Variants in PCDHGA4 observed in about 807,000 individuals in gnomAD.
PCDHGA4 encodes protocadherin gamma-A4.
In PCDHGA4, 38 loss-of-function variants were observed where a neutral mutation model predicts 54.6. The observed-to-expected ratio is 0.70, with a 90% CI of 0.54 to 0.91. The LOEUF (loss-of-function observed/expected upper bound fraction) is 0.91, where lower values mean the gene tolerates loss of function less well. PCDHGA4 is among the 40% of genes least tolerant of loss of function. The probability of loss-of-function intolerance (pLI) is 0.00; values close to 1 mark genes in which losing one functional copy is unlikely to be tolerated. For missense variants in PCDHGA4, 1,298 were observed against 1,220.9 expected (o/e 1.06, Z -0.94); for synonymous variants, 511 against 512.9 (o/e 1.00, Z 0.05).
chr5:141,419,209 G>A (rs541061354), intron 1 of PCDHGA4: 11 of 1,613,900 alleles, frequency 6.8e-6, no homozygotes, highest in South Asian at 5.5e-5. Context: ...ACAACGCGCC[G>A]GTTTTCGGAC....
chr5:141,365,266 C>A, intron 1 of PCDHGA4: 2 of 1,613,938 alleles, frequency 1.2e-6, no homozygotes, highest in African/African-American at 2.7e-5. Context: ...ATGAAGAATC[C>A]AGATTCTACC....
chr5:141,478,319 T>A, intron 1 of PCDHGA4: 4 of 1,614,052 alleles, frequency 2.5e-6, no homozygotes, highest in Non-Finnish European at 3.4e-6. Flanking sequence ...GAGCTCACTG[T>A]ACCGAACACC....
rs776226877 is a variant in PCDHGA4, at chr5:141,357,299, T to C, written c.2192T>C (p.Val731Ala). ...TLYLVVAVAA[V>A]SCVFLAFVTV... ...TATCTCGTGGTGGCAGTGGCCGCTGTCTCCTGCGTCTTCCTGGCTTTTGTC... is the reference window on the plus strand; with the variant it reads ...TATCTCGTGGTGGCAGTGGCCGCTGCCTCCTGCGTCTTCCTGGCTTTTGTC... The change falls in exon 1 of 4, where the codon GTC becomes GCC. Residue 731 changes from valine to alanine, a missense_variant. Coordinates refer to ENST00000571252, the MANE Select transcript of PCDHGA4 (RefSeq NM_018917.4). 18 of 1,613,846 alleles carry C rather than the reference T, an allele frequency of 1.1e-5. No homozygotes were observed. Among genetic ancestry groups the C allele is most frequent in the Non-Finnish European group, 1.1e-5 (13 of 1,179,876 alleles).
At position 141,372,141 on chromosome 5, in the gene PCDHGA4, G is replaced by C. The variant is rs780330964; in HGVS notation, c.2514+14520G>C. On this transcript the variant is annotated intron_variant, in intron 1 of 3. Coordinates refer to ENST00000571252, the MANE Select transcript of PCDHGA4 (RefSeq NM_018917.4). ...CTTCGATATGGTGCCGCGCTCTGCAGAGCCTGGCTACCTGGTGACCAAGGT... is the reference window on the plus strand; with the variant it reads ...CTTCGATATGGTGCCGCGCTCTGCACAGCCTGGCTACCTGGTGACCAAGGT... 5.0e-6 allele frequency: 8 copies of C among 1,613,774 alleles called. No individual in the cohort carries two copies. The East Asian group carries it at 1.6e-4, about 31-fold the overall frequency.
chr5:141,463,990 G>C (rs2099073582), intron 1 of PCDHGA4, among the ~76,000 whole-genome samples: 1 of 151,990 alleles, frequency 6.6e-6, no homozygotes, highest in Admixed American at 6.6e-5. Context: ...TAAAAACCAG[G>C]TGCAGTGGCT....
At chr5:141,437,878 C>A (rs1047761465) in intron 1 of PCDHGA4, among the ~76,000 whole-genome samples, 13 of 151,996 alleles carry the variant, frequency 8.6e-5, no homozygotes, top group Non-Finnish European at 1.5e-4. Flanking sequence ...GCTGGGACTA[C>A]AGGCACACGC....
At chr5:141,392,945 C>A in intron 1 of PCDHGA4, 2 of 1,613,916 alleles carry the variant, frequency 1.2e-6, no homozygotes, top group Non-Finnish European at 1.7e-6. Flanking sequence ...AAGGCTCCTT[C>A]GTGGGTAATA....
At chr5:141,433,640 A>C (rs2097637476) in intron 1 of PCDHGA4, among the ~76,000 whole-genome samples, 2 of 152,138 alleles carry the variant, frequency 1.3e-5, no homozygotes, top group South Asian at 2.1e-4. Flanking sequence ...GTTTGAGACC[A>C]GCCTGACCAA....
intron 1 of PCDHGA4, chr5:141,394,860 G>T: frequency 1.2e-6 from 2 of 1,613,792 alleles, no homozygotes; most frequent in Non-Finnish European, 1.7e-6. Context: ...GCCTTCGGTC[G>T]ACCCGAACGA....
chr5:141,421,888 C>T (rs1387624358), intron 1 of PCDHGA4: 5 of 1,613,746 alleles, frequency 3.1e-6, no homozygotes. Flanking sequence ...TGGAGGCGAT[C>T]CCATCCGAAA....
At position 141,355,184 on chromosome 5, in the gene PCDHGA4, T is replaced by C; in HGVS notation, c.77T>C (p.Leu26Pro). 1.3e-6 allele frequency: 2 copies of C among 1,586,600 alleles called. No individual in the cohort carries two copies. The highest frequency in any genetic ancestry group is 1.7e-6 in the Non-Finnish European group (2 of 1,165,796). ...STEGKPKHRR[L>P]RGGVVMAAPP... ...GAGGGAAAACCGAAGCACAGGCGACTCCGCGGCGGGGTTGTAATGGCGGCG... is the reference window on the plus strand; with the variant it reads ...GAGGGAAAACCGAAGCACAGGCGACCCCGCGGCGGGGTTGTAATGGCGGCG... Residue 26 changes from leucine to proline, a missense_variant, in exon 1 of 4, where the codon CTC (leucine) becomes CCC (proline). Transcript: ENST00000571252.
chr5:141,408,824 C>T, intron 1 of PCDHGA4: 1 of 1,613,560 alleles, frequency 6.2e-7, no homozygotes, highest in South Asian at 1.1e-5. Context: ...ACAGAGATCT[C>T]ATAGCTTGAT....
intron 1 of PCDHGA4, chr5:141,370,659 C>A: frequency 6.2e-7 from 1 of 1,613,780 alleles, no homozygotes; most frequent in Admixed American, 1.7e-5. Context: ...TGTGAGCGAC[C>A]GTATAGACCG....
At chr5:141,393,458 G>T (rs181214352) in intron 1 of PCDHGA4, 4 of 1,613,902 alleles carry the variant, frequency 2.5e-6, no homozygotes, top group Non-Finnish European at 3.4e-6. Context: ...TCACGGCCTC[G>T]GATGGCGGCA....
intron 1 of PCDHGA4, chr5:141,400,209 G>A: frequency 6.2e-7 from 1 of 1,614,052 alleles, no homozygotes; most frequent in South Asian, 1.1e-5. Context: ...CCTTGGCCTT[G>A]ATCTCAGTGC....
At chr5:141,418,265 G>A (rs2096242953) in intron 1 of PCDHGA4, 1 of 1,614,062 alleles carries the variant, frequency 6.2e-7, no homozygotes, top group East Asian at 2.2e-5. Context: ...ATTCCGGAAA[G>A]ATGAAATAAA....
At chr5:141,374,150 C>T in intron 1 of PCDHGA4, 1 of 1,611,806 alleles carries the variant, frequency 6.2e-7, no homozygotes, top group Non-Finnish European at 8.5e-7. Context: ...CCTGGGGACG[C>T]TGTGGGGGGC....
rs1185679701 is a variant in PCDHGA4, at chr5:141,511,384, G to A, written c.*211G>A. On this transcript the variant is annotated 3_prime_UTR_variant, in exon 4 of 4. Coordinates refer to ENST00000571252, the MANE Select transcript of PCDHGA4 (RefSeq NM_018917.4). ...TTGAATATGCAAAAGCAGTTCCGCT[G>A]GGAACCCCCATCCAATCAACTGCTG... is the stretch of plus-strand genomic sequence containing the variant. 3.5e-6 allele frequency: 4 copies of A among 1,154,490 alleles called. No homozygotes were observed. Among genetic ancestry groups the A allele is most frequent in the Admixed American group, 2.9e-5 (1 of 34,748 alleles). 71.5% of individuals were successfully genotyped at this position (1,154,490 alleles called of 1,614,324 possible). A position where few individuals can be genotyped will look rare whatever the true frequency, so the allele number is the denominator to read the frequency against.
intron 1 of PCDHGA4, chr5:141,419,377 C>T: frequency 6.2e-6 from 10 of 1,613,690 alleles, no homozygotes; most frequent in Admixed American, 3.3e-5. Flanking sequence ...CCTACGTGTC[C>T]GTGAGCGCGC....
Sources: allele counts gnomAD v4.1 joint callset (sites outside exome capture counted in the v4.1 genomes callset), GRCh38; gene constraint gnomAD v4.1.1; transcripts MANE v1.5; gene names NCBI Gene and HGNC (gene_info 2026-07-23, HGNC 2026-07-21).